PPP4R3B: variants seen among roughly 807,000 people sequenced by gnomAD.
The protein encoded by PPP4R3B is protein phosphatase 4 regulatory subunit 3B.
A neutral mutation model predicts 95.4 loss-of-function variants in PPP4R3B; 52 were observed. That is an observed-to-expected ratio of 0.54 (90% CI 0.44 to 0.69). The LOEUF (loss-of-function observed/expected upper bound fraction) is 0.69, where lower values mean the gene tolerates loss of function less well. PPP4R3B is among the 30% of genes least tolerant of loss of function. The pLI, the probability that PPP4R3B is intolerant of heterozygous loss-of-function variation, is 0.00. For missense variants in PPP4R3B, 1,003 were observed against 1,005.9 expected, an observed-to-expected ratio of 1.00 and a Z score of 0.04; for synonymous variants, 407 against 343.9, an observed-to-expected ratio of 1.18 and a Z score of -2.03.
Position 55,604,059 on chromosome 2 carries a change from CCAAA to C in PPP4R3B, c.212_215del (p.Val71GlyfsTer11). 6 of 1,608,334 alleles carry C rather than the reference CCAAA, an allele frequency of 3.7e-6. No homozygotes were observed. Among genetic ancestry groups the C allele is most frequent in the Non-Finnish European group, 5.1e-6 (6 of 1,177,638 alleles). ...CCAAATCATAGTTCTCTGCTTCTGA[CCAAA>C]CAATTAATGTATCCTGTTTAAAAAT... is the stretch of plus-strand genomic sequence containing the variant. On this transcript the variant is annotated frameshift_variant, in exon 3 of 17. Transcript: ENST00000616407. LOFTEE classifies it high-confidence loss of function.
intron 11 of PPP4R3B, among the ~76,000 whole-genome samples, chr2:55,574,929 C>T (rs1260199696): frequency 2.2e-5 from 3 of 138,756 alleles, no homozygotes; most frequent in South Asian, 2.3e-4. Context: ...ATTTCATATA[C>T]AACTTCTTTT....
chr2:55,570,969 G>A (rs766545330), intron 12 of PPP4R3B, among the ~76,000 whole-genome samples: 6 of 152,126 alleles, frequency 3.9e-5, no homozygotes, highest in Non-Finnish European at 8.8e-5. Flanking sequence ...AGTTACAACA[G>A]CACTGCTTAT....
intron 2 of PPP4R3B, among the ~76,000 whole-genome samples, chr2:55,611,547 A>G (rs369443272): frequency 2.6e-4 from 40 of 152,350 alleles, no homozygotes; most frequent in African/African-American, 8.4e-4. Context: ...GTGAATCAAT[A>G]ATGACTTTTC....
rs774909560 is a variant in PPP4R3B, at chr2:55,586,738, T to C, written c.1000-4A>G. On this transcript the variant is annotated splice_region_variant and splice_polypyrimidine_tract_variant and intron_variant, in intron 5 of 16. Coordinates refer to ENST00000616407, the MANE Select transcript of PPP4R3B (RefSeq NM_001122964.3). ...AAAACTCCTTGAAAAAATTAACCTG[T>C]AATGTCAGAAATTTTAGTGAGACAT... The C allele has an allele frequency of 6.4e-7, 1 of 1,562,138 alleles. No homozygotes were observed. The highest frequency in any genetic ancestry group is 8.8e-7 in the Non-Finnish European group (1 of 1,141,682).
At chr2:55,603,195 C>G (rs867074668) in intron 3 of PPP4R3B, among the ~76,000 whole-genome samples, 1 of 152,092 alleles carries the variant, frequency 6.6e-6, no homozygotes, top group Non-Finnish European at 1.5e-5. Context: ...TCAGGTGATC[C>G]GCCTGCCTCG....
rs1688818712 is a variant in PPP4R3B, at chr2:55,577,321, A to C, written c.1600T>G (p.Cys534Gly). 3 of 1,549,230 alleles carry C rather than the reference A, an allele frequency of 1.9e-6. No homozygotes were observed. Among genetic ancestry groups the C allele is most frequent in the Non-Finnish European group, 2.6e-6 (3 of 1,154,330 alleles). Residue 534 changes from cysteine to glycine, a missense_variant, in exon 11 of 17, where the codon TGT becomes GGT. Physicochemically the swap from Cys to Gly is radical, Grantham distance 159. Coordinates refer to ENST00000616407, the MANE Select transcript of PPP4R3B (RefSeq NM_001122964.3). ...AGTATGAATTCATACTTACCGGGAC[A>C]AATTGTGTTGTTTTTGTTTGATCCA... ...IVGSNKNNTI[C>G]PDNYQTAQLL...
chr2:55,614,361 T>C (rs562560946), intron 2 of PPP4R3B: 1 of 152,276 alleles, frequency 6.6e-6, no homozygotes, highest in African/African-American at 2.4e-5. Flanking sequence ...TGGAAATAAT[T>C]CAAATGTATA....
Position 55,617,385 on chromosome 2 carries a change from G to A in PPP4R3B, c.-100C>T. On this transcript the variant is annotated 5_prime_UTR_variant, in exon 1 of 17. Transcript: ENST00000616407. Reference sequence around the variant, plus strand: ...GGTAAAGGCAGTAGTGGCGGTGGCGGCGGCGGCGGCTTCGGAGAGGCCCGA... The same window carrying A: ...GGTAAAGGCAGTAGTGGCGGTGGCGACGGCGGCGGCTTCGGAGAGGCCCGA... The A allele has an allele frequency of 7.5e-7, 1 of 1,341,136 alleles. No homozygotes were observed. The highest frequency in any genetic ancestry group is 9.7e-7 in the Non-Finnish European group (1 of 1,030,190). The allele number at this position is 1,341,136 out of a possible 1,614,324, so 83.1% of individuals were successfully genotyped here. A position where few individuals can be genotyped will look rare whatever the true frequency, so the allele number is the denominator to read the frequency against.
At chr2:55,602,158 G>A (rs1306910396) in intron 3 of PPP4R3B, among the ~76,000 whole-genome samples, 1 of 152,126 alleles carries the variant, frequency 6.6e-6, no homozygotes, top group Non-Finnish European at 1.5e-5. Flanking sequence ...GGTATGACAT[G>A]GTTTTATAGG....
chr2:55,613,923 C>T (rs1251337139), intron 2 of PPP4R3B, among the ~76,000 whole-genome samples: 2 of 152,032 alleles, frequency 1.3e-5, no homozygotes, highest in Admixed American at 6.6e-5. Flanking sequence ...TTAAGAGCTG[C>T]CTGGCTGACT....
rs1175451083 is a variant in PPP4R3B at position 55,598,466 on chromosome 2, G to C, written c.871C>G (p.Leu291Val). The C allele has an allele frequency of 5.0e-6, 8 of 1,614,022 alleles. No individual in the cohort carries two copies. Among genetic ancestry groups the C allele is most frequent in the Admixed American group, 1.7e-5 (1 of 60,000 alleles). Residue 291 changes from leucine to valine, a missense_variant, in exon 4 of 17, where the codon CTT (leucine) becomes GTT (valine). Physicochemically the swap from Leu to Val is conservative, Grantham distance 32. Coordinates refer to ENST00000616407, the MANE Select transcript of PPP4R3B (RefSeq NM_001122964.3). ...TTGTTGAAGAAAATAAAAGACGTAAGAGTAGAAAGAAAATTCTCTTCAAAA... is the reference window on the plus strand; with the variant it reads ...TTGTTGAAGAAAATAAAAGACGTAACAGTAGAAAGAAAATTCTCTTCAAAA... ...SVFEENFLST[L>V]TSFIFFNKVE...
intron 5 of PPP4R3B, among the ~76,000 whole-genome samples, chr2:55,588,185 T>C (rs1456901379): frequency 6.6e-6 from 1 of 152,174 alleles, no homozygotes. Context: ...ATATCATTTA[T>C]TCAGGAAGCA....
Position 55,564,967 on chromosome 2 carries a change from C to T in PPP4R3B, c.2010G>A (p.Gln670=), listed in dbSNP as rs2103941932. 1 of 1,609,824 alleles carries T rather than the reference C, an allele frequency of 6.2e-7. No homozygotes were observed. The highest frequency in any genetic ancestry group is 2.2e-5 in the East Asian group (1 of 44,566). The change falls in exon 14 of 17, where the codon CAG becomes CAA. Residue 670 remains glutamine, a synonymous_variant. Coordinates refer to ENST00000616407, the MANE Select transcript of PPP4R3B (RefSeq NM_001122964.3). ...ATTTAGTCTTCAATCCTTTGAATGT[C>T]TGAACATATTCAATCGATTCAAGTG... The part of the protein sequence containing the change: ...YKALESIEYV[Q]TFKGLKTKYE...
intron 4 of PPP4R3B, among the ~76,000 whole-genome samples, chr2:55,595,572 A>G (rs947378086): frequency 3.3e-5 from 5 of 152,058 alleles, no homozygotes; most frequent in Non-Finnish European, 7.4e-5. Flanking sequence ...AATATTTTTT[A>G]AGAGAAACAG....
intron 2 of PPP4R3B, among the ~76,000 whole-genome samples, chr2:55,611,610 C>A (rs896023202): frequency 4.6e-5 from 7 of 152,182 alleles, no homozygotes; most frequent in Non-Finnish European, 8.8e-5. Context: ...CTTTTAGGCT[C>A]ACAATTTGGT....
intron 3 of PPP4R3B, 25 bp from the exon 4 acceptor site, chr2:55,599,064 A>G (rs368391122): frequency 3.3e-5 from 51 of 1,555,676 alleles, no homozygotes; most frequent in Non-Finnish European, 4.2e-5. Context: ...GTATACAGCT[A>G]ATTACCTTAA....
At chr2:55,584,993 T>C (rs377278714) in intron 7 of PPP4R3B, 58 bp downstream of exon 7, 66 of 1,192,290 alleles carry the variant, frequency 5.5e-5, no homozygotes, top group East Asian at 2.1e-4. Flanking sequence ...TCTCAATAGT[T>C]TGCAAACACT....
rs1440961498 is a variant in PPP4R3B at position 55,549,633 on chromosome 2, G to C, written c.*278C>G. The C allele has an allele frequency of 5.2e-6, 2 of 384,888 alleles. No homozygotes were observed. Among genetic ancestry groups the C allele is most frequent in the African/African-American group, 4.3e-5 (2 of 46,700 alleles). The allele number at this position is 384,888 out of a possible 1,614,324, so 23.8% of individuals were successfully genotyped here. A position where few individuals can be genotyped will look rare whatever the true frequency, so the allele number is the denominator to read the frequency against. ...CCTCCCCTAAACCGTCCCCAAACCT[G>C]TGACTTTTCCTTGCTGAGAAGCTGT... On this transcript the variant is annotated 3_prime_UTR_variant, in exon 17 of 17. Coordinates refer to ENST00000616407, the MANE Select transcript of PPP4R3B (RefSeq NM_001122964.3).
At chr2:55,610,705 T>C (rs530362239) in intron 2 of PPP4R3B, among the ~76,000 whole-genome samples, 1 of 152,334 alleles carries the variant, frequency 6.6e-6, no homozygotes, top group East Asian at 1.9e-4. Context: ...TTTCACGGGC[T>C]TTCAGTGAAG....
Sources: gnomAD v4.1 joint callset for allele counts (sites outside exome capture counted in the v4.1 genomes callset) on GRCh38, gnomAD v4.1.1 for gene constraint, MANE v1.5 for transcripts, NCBI Gene and HGNC (gene_info 2026-07-23, HGNC 2026-07-21) for gene names.